Variants in PLCB1 observed in about 807,000 individuals in gnomAD.
PLCB1 encodes 1-phosphatidylinositol 4,5-bisphosphate phosphodiesterase beta-1.
PLCB1 carries 46 observed loss-of-function variants against 161.8 expected under a neutral mutation model. The observed-to-expected ratio is 0.28, with a 90% CI of 0.22 to 0.36. PLCB1 has a LOEUF of 0.36. Among genes scored for constraint, PLCB1 ranks in the 10% least tolerant of loss-of-function variants. PLCB1 has a pLI of 1.00. For missense variants in PLCB1, 1,016 were observed against 1,472.5 expected (o/e 0.69, Z 5.07); for synonymous variants, 517 against 503.7 (o/e 1.03, Z -0.35).
At chr20:8,203,839 C>T (rs1978373486) in intron 2 of PLCB1, among the ~76,000 whole-genome samples, 1 of 152,084 alleles carries the variant, frequency 6.6e-6, no homozygotes, top group African/African-American at 2.4e-5. Context: ...ATTGGTACAA[C>T]CCTGAAGCAC....
rs558369696 is a variant in PLCB1, at chr20:8,469,948, T to A, written c.246+98498T>A. ...TCATTCCTCATTTCTCAATTCACTCTGCCCTTTGCAACCGCTAATTTACTT... is the reference window on the plus strand; with the variant it reads ...TCATTCCTCATTTCTCAATTCACTCAGCCCTTTGCAACCGCTAATTTACTT... On this transcript the variant is annotated intron_variant, in intron 3 of 31. Transcript: ENST00000338037. Among the ~76,000 whole-genome samples the A allele has an allele frequency of 3.3e-4, 51 of 152,324 alleles. 1 individual carries two copies. Among genetic ancestry groups the A allele is most frequent in the African/African-American group, 1.2e-3 (48 of 41,574 alleles).
At chr20:8,815,101 C>G (rs1434510055) in intron 31 of PLCB1, among the ~76,000 whole-genome samples, 2 of 152,128 alleles carry the variant, frequency 1.3e-5, no homozygotes, top group Non-Finnish European at 2.9e-5. Flanking sequence ...GTCAGGTAAA[C>G]AGGTCATCGC....
intron 3 of PLCB1, among the ~76,000 whole-genome samples, chr20:8,558,499 G>GA (rs1248898735): frequency 6.6e-6 from 1 of 151,234 alleles, no homozygotes; most frequent in African/African-American, 2.4e-5. Context: ...TGAGGAGAGA[G>GA]AAAAAAAGGC....
At chr20:8,670,002 G>A (rs1989905473) in intron 9 of PLCB1, among the ~76,000 whole-genome samples, 1 of 152,120 alleles carries the variant, frequency 6.6e-6, no homozygotes, top group Non-Finnish European at 1.5e-5. Flanking sequence ...ACTGTGGAGG[G>A]TCTCCTCTCA....
intron 3 of PLCB1, among the ~76,000 whole-genome samples, chr20:8,558,754 C>A (rs894467328): frequency 6.6e-6 from 1 of 151,680 alleles, no homozygotes; most frequent in African/African-American, 2.4e-5. Context: ...TTATCAGAAA[C>A]AATGGAGGCA....
intron 3 of PLCB1, among the ~76,000 whole-genome samples, chr20:8,404,251 G>A (rs1978692025): frequency 6.6e-6 from 1 of 152,068 alleles, no homozygotes. Flanking sequence ...CAGGGTTTTG[G>A]CTAAATAGCT....
At chr20:8,853,883 C>CGCT (rs1176811489) in intron 31 of PLCB1, among the ~76,000 whole-genome samples, 7 of 152,160 alleles carry the variant, frequency 4.6e-5, no homozygotes, top group Non-Finnish European at 8.8e-5. Context: ...AACAAAGAAG[C>CGCT]GCTGTTCTCC....
chr20:8,388,177 T>C (rs1413886100), intron 3 of PLCB1, among the ~76,000 whole-genome samples: 1 of 152,160 alleles, frequency 6.6e-6, no homozygotes, highest in African/African-American at 2.4e-5. Flanking sequence ...GTAACTTTAC[T>C]GACAATACCC....
intron 3 of PLCB1, among the ~76,000 whole-genome samples, chr20:8,372,754 C>T (rs1986944441): frequency 6.6e-6 from 1 of 152,136 alleles, no homozygotes; most frequent in South Asian, 2.1e-4. Flanking sequence ...ACATTTCAGC[C>T]AAATTTCATA....
intron 2 of PLCB1, among the ~76,000 whole-genome samples, chr20:8,213,628 G>A (rs1427310481): frequency 6.6e-6 from 1 of 152,046 alleles, no homozygotes; most frequent in Non-Finnish European, 1.5e-5. Context: ...CATCTGAAAT[G>A]CAATAAGAAG....
At chr20:8,517,312 G>A (rs954417180) in intron 3 of PLCB1, among the ~76,000 whole-genome samples, 8 of 152,098 alleles carry the variant, frequency 5.3e-5, no homozygotes, top group Non-Finnish European at 1.0e-4. Context: ...TCTGAGAGGC[G>A]TCGTCTACAT....
chr20:8,678,566 C>T (rs1307951864), intron 9 of PLCB1, among the ~76,000 whole-genome samples: 1 of 152,182 alleles, frequency 6.6e-6, no homozygotes, highest in Admixed American at 6.5e-5. Flanking sequence ...GCAGATAACC[C>T]TTGGCTTCTC....
intron 3 of PLCB1, among the ~76,000 whole-genome samples, chr20:8,533,585 GGTTTT>G (rs992375613): frequency 7.2e-5 from 11 of 151,754 alleles, no homozygotes; most frequent in African/African-American, 2.7e-4. Flanking sequence ...ATCTCATTGT[GGTTTT>G]GATTTACATT....
At chr20:8,729,851 C>T (rs1198113776) in intron 18 of PLCB1, 1 of 151,882 alleles carries the variant, frequency 6.6e-6, no homozygotes, top group Non-Finnish European at 1.5e-5. Context: ...TGCTACATTA[C>T]TCCGCTGTCA....
intron 2 of PLCB1, among the ~76,000 whole-genome samples, chr20:8,288,250 C>T (rs1047730163): frequency 1.5e-5 from 2 of 133,262 alleles, no homozygotes; most frequent in African/African-American, 6.0e-5. Context: ...GGCCTGGAGG[C>T]TACAAAAAAA....
chr20:8,372,603 A>G (rs759568890), intron 3 of PLCB1, among the ~76,000 whole-genome samples: 1 of 152,206 alleles, frequency 6.6e-6, no homozygotes, highest in Non-Finnish European at 1.5e-5. Flanking sequence ...ATTTACATTT[A>G]TCTCCTTAGT....
At chr20:8,133,142 G>T (rs370095794) in intron 1 of PLCB1, among the ~76,000 whole-genome samples, 32 of 152,238 alleles carry the variant, frequency 2.1e-4, no homozygotes, top group African/African-American at 7.7e-4. Flanking sequence ...GCCTGCGGAC[G>T]CACCCCCTAT....
intron 31 of PLCB1, among the ~76,000 whole-genome samples, chr20:8,825,116 G>T (rs1203121896): frequency 6.6e-6 from 1 of 152,154 alleles, no homozygotes; most frequent in African/African-American, 2.4e-5. Context: ...TATTCAATAT[G>T]CCAGTGACCA....
At position 8,431,077 on chromosome 20, in the gene PLCB1, TATTA is replaced by T. The variant is rs1385241502; in HGVS notation, c.246+59633_246+59636del. Among the ~76,000 whole-genome samples the T allele has an allele frequency of 4.6e-5, 7 of 152,090 alleles. No homozygotes were observed. In the South Asian group the frequency reaches 1.0e-3, roughly 23 times the overall value. On this transcript the variant is annotated intron_variant, in intron 3 of 31. Coordinates refer to ENST00000338037, the MANE Select transcript of PLCB1 (RefSeq NM_015192.4). Reference sequence around the variant, plus strand: ...ATATATGCATTAATATATAATCAGATATTAATTAAATATGTATTAGTATATTATA... The same window carrying T: ...ATATATGCATTAATATATAATCAGATATTAAATATGTATTAGTATATTATA...
Sources: gnomAD v4.1 joint callset for allele counts (sites outside exome capture counted in the v4.1 genomes callset) on GRCh38, gnomAD v4.1.1 for gene constraint, MANE v1.5 for transcripts, NCBI Gene and HGNC (gene_info 2026-07-23, HGNC 2026-07-21) for gene names.